Variants in PPP2R2C observed in about 807,000 individuals in gnomAD.
PPP2R2C encodes protein phosphatase 2, regulatory subunit B, gamma.
A neutral mutation model predicts 45.3 loss-of-function variants in PPP2R2C; 10 were observed. That is an observed-to-expected ratio of 0.22 (90% confidence interval 0.14 to 0.37). PPP2R2C has a LOEUF of 0.37. Among genes scored for constraint, PPP2R2C ranks in the 10% least tolerant of loss-of-function variants. The probability of loss-of-function intolerance (pLI) is 1.00; values close to 1 mark genes in which losing one functional copy is unlikely to be tolerated. For synonymous variants in PPP2R2C, 257 were observed against 245.4 expected (o/e 1.05, Z -0.44); for missense variants, 308 against 619.7 (o/e 0.50, Z 5.34).
intron 1 of PPP2R2C, among the ~76,000 whole-genome samples, chr4:6,453,668 G>A (rs1720864181): frequency 6.6e-6 from 1 of 152,230 alleles, no homozygotes; most frequent in Non-Finnish European, 1.5e-5. Context: ...CTGCAAGGCT[G>A]AACAAACAAG....
chr4:6,421,264 G>T, intron 1 of PPP2R2C: 1 of 424,372 alleles, frequency 2.4e-6, no homozygotes, highest in Non-Finnish European at 3.2e-6. Context: ...TGGTCGCACT[G>T]GCTGGCCCCT....
intron 5 of PPP2R2C, among the ~76,000 whole-genome samples, chr4:6,362,847 T>C (rs1422779443): frequency 1.3e-5 from 2 of 151,106 alleles, no homozygotes; most frequent in African/African-American, 4.9e-5. Context: ...ACAGCTTAAA[T>C]CTGAATCCCA....
At chr4:6,492,194 C>G (rs894936233) in intron 2 of PPP2R2C, among the ~76,000 whole-genome samples, 1 of 152,228 alleles carries the variant, frequency 6.6e-6, no homozygotes, top group Non-Finnish European at 1.5e-5. Flanking sequence ...CTGTTTCTCT[C>G]ATGGGGTGGA....
chr4:6,557,667 C>A (rs1725455089), intron 1 of PPP2R2C, among the ~76,000 whole-genome samples: 1 of 152,154 alleles, frequency 6.6e-6, no homozygotes, highest in Admixed American at 6.5e-5. Context: ...ATGGGCACAG[C>A]AGAGGTCAGC....
chr4:6,450,530 G>T (rs1407346587), intron 1 of PPP2R2C, among the ~76,000 whole-genome samples: 1 of 152,128 alleles, frequency 6.6e-6, no homozygotes, highest in Non-Finnish European at 1.5e-5. Context: ...TTCCAGCCCC[G>T]ACCATCAAGG....
rs1002005874 is a variant in PPP2R2C, at chr4:6,328,605, C to T, written c.1052+657G>A. 6.6e-6 allele frequency among the ~76,000 whole-genome samples: 1 copy of T among 152,194 alleles called. No individual in the cohort carries two copies. Among genetic ancestry groups the T allele is most frequent in the African/African-American group, 2.4e-5 (1 of 41,450 alleles). On this transcript the variant is annotated intron_variant, in intron 8 of 8. Transcript: ENST00000382599. The surrounding 1 kb of genome is among the most constrained non-coding windows in gnomAD (Gnocchi z 4.4). Reference sequence around the variant, plus strand: ...GTAGAGGTCAGGTCAGGAGCCCCTGCCACAGCCCCCTTGTCCATGCCCGCC... The same window carrying T: ...GTAGAGGTCAGGTCAGGAGCCCCTGTCACAGCCCCCTTGTCCATGCCCGCC...
chr4:6,327,578 G>C (rs1732049041), intron 8 of PPP2R2C, among the ~76,000 whole-genome samples: 1 of 152,226 alleles, frequency 6.6e-6, no homozygotes, highest in Non-Finnish European at 1.5e-5. Context: ...CGTCCGATTT[G>C]GATAGACCCT....
At chr4:6,335,759 G>C (rs1235048786) in intron 6 of PPP2R2C, among the ~76,000 whole-genome samples, 2 of 151,954 alleles carry the variant, frequency 1.3e-5, no homozygotes, top group Non-Finnish European at 2.9e-5. Context: ...AGGAGGGGGA[G>C]GGAAGCTGCT....
chr4:6,519,637 C>A (rs1279478593), intron 2 of PPP2R2C, among the ~76,000 whole-genome samples: 2 of 152,184 alleles, frequency 1.3e-5, no homozygotes, highest in Admixed American at 6.5e-5. Flanking sequence ...TCTGTCCGCA[C>A]CTATTCACAA....
chr4:6,514,063 A>T (rs1723758056), intron 2 of PPP2R2C, among the ~76,000 whole-genome samples: 1 of 152,220 alleles, frequency 6.6e-6, no homozygotes. Context: ...AACCATGTTC[A>T]TGTGCACCGA....
At chr4:6,416,692 G>T (rs1158159914) in intron 1 of PPP2R2C, among the ~76,000 whole-genome samples, 2 of 152,206 alleles carry the variant, frequency 1.3e-5, no homozygotes, top group Non-Finnish European at 2.9e-5. Context: ...ACGCCCTCCA[G>T]CCCGGGACCA....
intron 2 of PPP2R2C, among the ~76,000 whole-genome samples, chr4:6,533,817 C>G (rs563874662): frequency 6.6e-6 from 1 of 152,218 alleles, no homozygotes; most frequent in East Asian, 1.9e-4. Context: ...GCCCGTCGAC[C>G]CGGGTGGCCG....
intron 2 of PPP2R2C, among the ~76,000 whole-genome samples, chr4:6,519,251 G>A (rs1466810110): frequency 6.6e-6 from 1 of 152,202 alleles, no homozygotes; most frequent in Non-Finnish European, 1.5e-5. Context: ...TACAGGGCTT[G>A]CCTAGTGCTG....
Position 6,345,788 on chromosome 4 carries a change from G to A in PPP2R2C, c.790+2058C>T, listed in dbSNP as rs186311015. ...CAAGTGTGTGGTCCTTTGTTGTGGC[G>A]CACAGGACGCAGCCCCGAGCCCCCT... On this transcript the variant is annotated intron_variant, in intron 6 of 8. Coordinates refer to ENST00000382599, the MANE Select transcript of PPP2R2C (RefSeq NM_020416.4). The surrounding 1 kb of genome is among the most constrained non-coding windows in gnomAD (Gnocchi z 5.3). 2.1e-4 allele frequency among the ~76,000 whole-genome samples: 32 copies of A among 152,164 alleles called. No individual in the cohort carries two copies. The highest frequency in any genetic ancestry group is 1.2e-3 in the East Asian group (6 of 5,166).
intron 2 of PPP2R2C, among the ~76,000 whole-genome samples, chr4:6,502,873 C>A (rs184484912): frequency 3.3e-5 from 5 of 152,216 alleles, no homozygotes; most frequent in East Asian, 3.9e-4. Flanking sequence ...TCTCTCACAC[C>A]CACATCTAAT....
Position 6,366,516 on chromosome 4 carries a change from T to C in PPP2R2C, c.625+6007A>G, listed in dbSNP as rs1039155495. On this transcript the variant is annotated intron_variant, in intron 5 of 8. Coordinates refer to ENST00000382599, the MANE Select transcript of PPP2R2C (RefSeq NM_020416.4). ...ACCCTGGGTTCCTAATCTCAGGGCT[T>C]CCACCATAAAATGGAGGAGGCTGTC... Among the ~76,000 whole-genome samples the C allele has an allele frequency of 5.3e-5, 8 of 152,192 alleles. No homozygotes were observed. In the East Asian group the frequency reaches 1.5e-3, roughly 29 times the overall value.
intron 1 of PPP2R2C, among the ~76,000 whole-genome samples, chr4:6,544,711 C>G (rs1724919523): frequency 6.6e-6 from 1 of 152,160 alleles, no homozygotes; most frequent in Non-Finnish European, 1.5e-5. Flanking sequence ...AAGGAAGAAG[C>G]ATAAGCAAGA....
chr4:6,373,368 A>C (rs1715021559), intron 4 of PPP2R2C, among the ~76,000 whole-genome samples: 1 of 152,202 alleles, frequency 6.6e-6, no homozygotes, highest in African/African-American at 2.4e-5. Flanking sequence ...CGGTGGAGTT[A>C]GCCTGACTCA....
In PPP2R2C at chr4:6,517,057, G is replaced by A. The variant is rs115046349; in HGVS notation, c.49+18214C>T. Reference sequence around the variant, plus strand: ...GGTTCCTCCCACGCCCACACTCCCAGGAATAACTGTGAGTGGCTTTCCCCT... The same window carrying A: ...GGTTCCTCCCACGCCCACACTCCCAAGAATAACTGTGAGTGGCTTTCCCCT... On this transcript the variant is annotated intron_variant, in intron 2 of 9. Transcript: ENST00000506140. Among the ~76,000 whole-genome samples the A allele has an allele frequency of 1.9e-3, 289 of 152,308 alleles. 1 individual carries two copies. The highest frequency in any genetic ancestry group is 6.5e-3 in the African/African-American group (272 of 41,560).
Sources: allele counts gnomAD v4.1 joint callset (sites outside exome capture counted in the v4.1 genomes callset), GRCh38; gene constraint gnomAD v4.1.1; non-coding constraint Gnocchi (gnomAD v3.1); transcripts MANE v1.5; gene names NCBI Gene and HGNC (gene_info 2026-07-23, HGNC 2026-07-21).